Variants in ST8SIA1 observed in about 807,000 individuals in gnomAD.
The protein encoded by ST8SIA1 is alpha-N-acetylneuraminide alpha-2,8-sialyltransferase.
In ST8SIA1, 16 loss-of-function variants were observed where a neutral mutation model predicts 35.9. That is an observed-to-expected ratio of 0.45 (90% CI 0.30 to 0.68). ST8SIA1 has a LOEUF of 0.68. Among genes scored for constraint, ST8SIA1 ranks in the 30% least tolerant of loss-of-function variants. The pLI, the probability that ST8SIA1 is intolerant of heterozygous loss-of-function variation, is 0.09. For synonymous variants in ST8SIA1, 170 were observed against 169.6 expected, an observed-to-expected ratio of 1.00 and a Z score of -0.02; for missense variants, 383 against 453.6, an observed-to-expected ratio of 0.84 and a Z score of 1.41.
At position 22,321,003 on chromosome 12, in the gene ST8SIA1, G is replaced by GAAAGAAGAAAGAAAGAAAGA. The variant is rs377218947; in HGVS notation, c.236+12993_236+12994insTCTTTCTTTCTTTCTTCTTT. Among the ~76,000 whole-genome samples, 57 of 76,566 alleles carry GAAAGAAGAAAGAAAGAAAGA rather than the reference G, an allele frequency of 7.4e-4. 1 individual carries two copies. Among genetic ancestry groups the GAAAGAAGAAAGAAAGAAAGA allele is most frequent in the Admixed American group, 2.0e-3 (12 of 6,082 alleles). The allele number at this position is 76,566 out of a possible 152,430, so 50.2% of individuals were successfully genotyped here. ...AGAAAGAAAGAAAGAAAGAAAGAAAGAAGAAAGAAAGAAAGAAAGAAAGAA... is the reference window on the plus strand; with the variant it reads ...AGAAAGAAAGAAAGAAAGAAAGAAAGAAAGAAGAAAGAAAGAAAGAAAGAAAGAAAGAAAGAAAGAAAGAA... On this transcript the variant is annotated intron_variant, in intron 1 of 4. Transcript: ENST00000396037.
chr12:22,328,440 C>G lies in ST8SIA1; in HGVS notation c.236+5557G>C, dbSNP rs373994922. On this transcript the variant is annotated intron_variant, in intron 1 of 4. Coordinates refer to ENST00000396037, the MANE Select transcript of ST8SIA1 (RefSeq NM_003034.4). ...AGCAGGGAAGGCAGGCAAGTGCACTCATATTTTTAATACATCATCACTAAT... is the reference window on the plus strand; with the variant it reads ...AGCAGGGAAGGCAGGCAAGTGCACTGATATTTTTAATACATCATCACTAAT... Among the ~76,000 whole-genome samples, 13 of 152,282 alleles carry G rather than the reference C, an allele frequency of 8.5e-5. 1 individual carries two copies. The highest frequency in any genetic ancestry group is 3.4e-3 in the Middle Eastern group (1 of 294).
At chr12:22,271,555 G>T (rs932260775) in intron 2 of ST8SIA1, among the ~76,000 whole-genome samples, 1 of 152,250 alleles carries the variant, frequency 6.6e-6, no homozygotes, top group Middle Eastern at 3.4e-3. Flanking sequence ...ATAAAATGGG[G>T]TGAAGGGAAA....
chr12:22,225,447 C>T (rs2300721), intron 4 of ST8SIA1, among the ~76,000 whole-genome samples: 3 of 151,868 alleles, frequency 2.0e-5, no homozygotes, highest in African/African-American at 7.3e-5. Context: ...ATGGAGACCA[C>T]GGCTGAGGAA....
chr12:22,274,237 G>A (rs1326181074), intron 2 of ST8SIA1, among the ~76,000 whole-genome samples: 1 of 152,210 alleles, frequency 6.6e-6, no homozygotes, highest in Non-Finnish European at 1.5e-5. Context: ...TCAATGGGAA[G>A]ACAATCAAGG....
chr12:22,304,853 C>G (rs1866364779), intron 1 of ST8SIA1, among the ~76,000 whole-genome samples: 1 of 152,204 alleles, frequency 6.6e-6, no homozygotes, highest in Non-Finnish European at 1.5e-5. Context: ...CTGGTCTCCT[C>G]TTACAGTCCT....
At chr12:22,304,064 C>CT (rs909558592) in intron 1 of ST8SIA1, among the ~76,000 whole-genome samples, 2 of 152,174 alleles carry the variant, frequency 1.3e-5, no homozygotes, top group Non-Finnish European at 2.9e-5. Context: ...GTTCTGCCAT[C>CT]TTTTTTTCCA....
intron 1 of ST8SIA1, among the ~76,000 whole-genome samples, chr12:22,333,043 A>G (rs943994457): frequency 6.6e-6 from 1 of 152,142 alleles, no homozygotes; most frequent in Non-Finnish European, 1.5e-5. Flanking sequence ...GGTGGAGAGG[A>G]AGGGGAAGCA....
chr12:22,223,308 T>G (rs1865320325), intron 4 of ST8SIA1: 2 of 158,666 alleles, frequency 1.3e-5, no homozygotes, highest in African/African-American at 4.8e-5. Context: ...CAAAAGTATT[T>G]CAGAGTCATT....
intron 2 of ST8SIA1, among the ~76,000 whole-genome samples, chr12:22,277,268 T>A (rs1014770154): frequency 1.1e-4 from 16 of 151,446 alleles, no homozygotes; most frequent in African/African-American, 3.9e-4. Flanking sequence ...TAGTGAAGAG[T>A]GAGTTAAGAG....
chr12:22,333,352 G>A (rs2135851336), intron 1 of ST8SIA1, among the ~76,000 whole-genome samples: 1 of 152,342 alleles, frequency 6.6e-6, no homozygotes, highest in Admixed American at 6.5e-5. Flanking sequence ...TGACCTTGGG[G>A]AAGTTACTCA....
intron 4 of ST8SIA1, among the ~76,000 whole-genome samples, chr12:22,203,162 G>A (rs1396028735): frequency 1.3e-5 from 2 of 152,074 alleles, no homozygotes; most frequent in African/African-American, 4.8e-5. Context: ...GACCAGGTAA[G>A]AGGCTGCTAA....
chr12:22,272,739 C>T (rs1865926038), intron 2 of ST8SIA1, among the ~76,000 whole-genome samples: 1 of 152,238 alleles, frequency 6.6e-6, no homozygotes, highest in African/African-American at 2.4e-5. Context: ...AAGGCTCCAA[C>T]ACAAGAACCG....
At chr12:22,252,050 T>C (rs546451129) in intron 3 of ST8SIA1, among the ~76,000 whole-genome samples, 1 of 152,318 alleles carries the variant, frequency 6.6e-6, no homozygotes, top group East Asian at 1.9e-4. Context: ...TTGAATTCAA[T>C]GATATTATTT....
chr12:22,264,316 A>T (rs2284854), intron 2 of ST8SIA1, among the ~76,000 whole-genome samples: 8 of 152,116 alleles, frequency 5.3e-5, no homozygotes, highest in African/African-American at 1.9e-4. Context: ...CAACTCTCCA[A>T]CAATACTCCT....
chr12:22,260,428 G>A (rs1865776586), intron 2 of ST8SIA1, among the ~76,000 whole-genome samples: 1 of 152,238 alleles, frequency 6.6e-6, no homozygotes. Context: ...TTAAAGTGTT[G>A]AGATAAGGCA....
chr12:22,247,039 T>C (rs1865612394), intron 4 of ST8SIA1, among the ~76,000 whole-genome samples: 1 of 152,112 alleles, frequency 6.6e-6, no homozygotes. Flanking sequence ...CCTCCATTTG[T>C]ATTTATATTT....
Position 22,198,014 on chromosome 12 carries a change from A to C in ST8SIA1, c.*3538T>G, listed in dbSNP as rs1311442078. On this transcript the variant is annotated 3_prime_UTR_variant, in exon 5 of 5. Transcript: ENST00000396037. Reference sequence around the variant, plus strand: ...TGTCCATATAAAAATCTTTCATATAAACATTACTTTTCTTAATTATGGAAT... The same window carrying C: ...TGTCCATATAAAAATCTTTCATATACACATTACTTTTCTTAATTATGGAAT... 2.0e-5 allele frequency: 3 copies of C among 152,150 alleles called. No homozygotes were observed. The highest frequency in any genetic ancestry group is 7.2e-5 in the African/African-American group (3 of 41,440). The allele number at this position is 152,150 out of a possible 1,614,324, so 9.4% of individuals were successfully genotyped here. A position where few individuals can be genotyped will look rare whatever the true frequency, so the allele number is the denominator to read the frequency against.
intron 3 of ST8SIA1, among the ~76,000 whole-genome samples, chr12:22,252,815 G>A (rs535350471): frequency 3.9e-5 from 6 of 152,266 alleles, no homozygotes; most frequent in South Asian, 2.1e-4. Context: ...ATTAGTAAAC[G>A]TCCATCTTCA....
chr12:22,332,484 G>A (rs755667286), intron 1 of ST8SIA1, among the ~76,000 whole-genome samples: 2 of 152,190 alleles, frequency 1.3e-5, no homozygotes, highest in Non-Finnish European at 2.9e-5. Context: ...CACTTGAAAT[G>A]AAAGTGCTTT....
Sources: allele counts gnomAD v4.1 joint callset (sites outside exome capture counted in the v4.1 genomes callset), GRCh38; gene constraint gnomAD v4.1.1; transcripts MANE v1.5; gene names NCBI Gene and HGNC (gene_info 2026-07-23, HGNC 2026-07-21).